The following TTC3 variants were observed in gnomAD, a reference collection of about 807,000 sequenced individuals.
TTC3 encodes E3 ubiquitin-protein ligase TTC3.
A neutral mutation model predicts 249.6 loss-of-function variants in TTC3; 180 were observed. That is an observed-to-expected ratio of 0.72 (90% CI 0.64 to 0.82). TTC3 has a LOEUF of 0.82. TTC3 is among the 40% of genes least tolerant of loss of function. The probability of loss-of-function intolerance (pLI) is 0.00; values close to 1 mark genes in which losing one functional copy is unlikely to be tolerated. For missense variants in TTC3, 2,061 were observed against 2,398.4 expected (o/e 0.86, Z 2.94); for synonymous variants, 717 against 805.0 (o/e 0.89, Z 1.85).
chr21:37,125,621 A>T (rs1046371483), intron 14 of TTC3, among the ~76,000 whole-genome samples: 1 of 151,756 alleles, frequency 6.6e-6, no homozygotes, highest in Non-Finnish European at 1.5e-5. Context: ...TTAATAATTG[A>T]TTATATTTAA....
rs1394601066 is a variant in TTC3 at position 37,135,876 on chromosome 21, TA to T, written c.1578+363del. 2.6e-5 allele frequency among the ~76,000 whole-genome samples: 4 copies of T among 152,370 alleles called. No homozygotes were observed. In the East Asian group the frequency reaches 7.7e-4, roughly 29 times the overall value. On this transcript the variant is annotated intron_variant, in intron 18 of 45. Coordinates refer to ENST00000355666, the Ensembl canonical transcript of TTC3. ...TGTACTTTGCAGACAATGCATTTGT[TA>T]CAAATTGAAGATTTGTGGCAACCCT...
At chr21:37,088,693 AAG>A in intron 4 of TTC3, 104 bp from the exon 5 acceptor site, 3 of 1,054,944 alleles carry the variant, frequency 2.8e-6, no homozygotes, top group Admixed American at 5.6e-5. Flanking sequence ...AGTGAAGAAA[AAG>A]AGAACTTATT....
chr21:37,201,317 A>G (rs983659835), intron 45 of TTC3, 123 bp from the exon 46 acceptor site: 2 of 1,212,314 alleles, frequency 1.6e-6, no homozygotes, highest in Non-Finnish European at 2.4e-6. Context: ...AGTATTGGGC[A>G]GCTCCAGGCC....
chr21:37,082,731 A>G, intron 1 of TTC3: 2 of 985,054 alleles, frequency 2.0e-6, no homozygotes, highest in East Asian at 1.1e-4. Flanking sequence ...TTTTTAATCT[A>G]GGATATACCT....
intron 1 of TTC3, chr21:37,083,608 C>T (rs73201918): frequency 0.07 from 11,961 of 169,936 alleles, 604 homozygotes; most frequent in Non-Finnish European, 0.1. Context: ...AGGTTGACTC[C>T]CAGGGTTTAG....
intron 33 of TTC3, 47 bp downstream of exon 33, chr21:37,166,662 C>A: frequency 6.6e-7 from 1 of 1,518,392 alleles, no homozygotes; most frequent in South Asian, 1.3e-5. Context: ...GTTAAATTTT[C>A]CTTTTCATTT....
At chr21:37,164,313 C>A in intron 32 of TTC3, 98 bp downstream of exon 32, 2 of 1,163,020 alleles carry the variant, frequency 1.7e-6, no homozygotes, top group Non-Finnish European at 2.3e-6. Flanking sequence ...AGAGATTTTG[C>A]CACATTTTAC....
chr21:37,115,174 T>TATAATAATA (rs1246754731), intron 11 of TTC3, among the ~76,000 whole-genome samples: 53,887 of 144,162 alleles, frequency 0.37, 10,846 homozygotes, highest in Middle Eastern at 0.45. Context: ...AAACTTAAAG[T>TATAATAATA]ATAATAATAA....
chr21:37,139,092 T>C (rs2078204444), intron 19 of TTC3, among the ~76,000 whole-genome samples: 1 of 152,074 alleles, frequency 6.6e-6, no homozygotes, highest in Non-Finnish European at 1.5e-5. Flanking sequence ...GTGCATCTTG[T>C]AAAAAAGTGA....
intron 5 of TTC3, among the ~76,000 whole-genome samples, chr21:37,089,872 G>C (rs1362380263): frequency 6.6e-6 from 1 of 151,926 alleles, no homozygotes; most frequent in East Asian, 1.9e-4. Flanking sequence ...GTAATCCCAG[G>C]TAGTTGGGAG....
At position 37,124,594 on chromosome 21, in the gene TTC3, ATAATTCC is replaced by A; in HGVS notation, c.1110-23_1110-17del. The A allele has an allele frequency of 1.2e-6, 2 of 1,603,114 alleles. No individual in the cohort carries two copies. The highest frequency in any genetic ancestry group is 1.7e-6 in the Non-Finnish European group (2 of 1,177,076). ...AAGGATAACTTTCAAAAAATGTATA[ATAATTCC>A]TTTTTTCCCCCACTTAGGGCCTACA... On this transcript the variant is annotated intron_variant, in intron 13 of 45. Coordinates refer to ENST00000355666, the Ensembl canonical transcript of TTC3.
At chr21:37,137,591 A>G (rs1369064878) in intron 18 of TTC3, among the ~76,000 whole-genome samples, 5 of 152,172 alleles carry the variant, frequency 3.3e-5, no homozygotes, top group Admixed American at 1.3e-4. Context: ...AAAAAAAGTC[A>G]TTTCTTGAAA....
At chr21:37,136,932 G>A (rs1011707470) in intron 18 of TTC3, among the ~76,000 whole-genome samples, 1 of 152,146 alleles carries the variant, frequency 6.6e-6, no homozygotes, top group African/African-American at 2.4e-5. Context: ...AAAATCCTCA[G>A]GCCCTTAAGA....
chr21:37,103,347 A>T (rs932171644), intron 10 of TTC3, among the ~76,000 whole-genome samples: 2 of 152,222 alleles, frequency 1.3e-5, no homozygotes, highest in African/African-American at 4.8e-5. Flanking sequence ...CATGTCACAC[A>T]GTCTTCAAGA....
intron 36 of TTC3, 85 bp downstream of exon 36, chr21:37,182,998 A>G (rs1274276291): frequency 1.7e-6 from 2 of 1,145,036 alleles, no homozygotes; most frequent in East Asian, 5.6e-5. Flanking sequence ...GATATTTAAT[A>G]TTAAACTACA....
chr21:37,186,022 A>G, intron 37 of TTC3: 1 of 181,350 alleles, frequency 5.5e-6, no homozygotes, highest in Non-Finnish European at 1.1e-5. Flanking sequence ...AAAATACTGA[A>G]TTTATTGTTG....
chr21:37,124,216 A>G (rs1013302640), intron 13 of TTC3, among the ~76,000 whole-genome samples: 2 of 129,582 alleles, frequency 1.5e-5, no homozygotes, highest in African/African-American at 2.9e-5. Flanking sequence ...ACTGGGTTCA[A>G]GCAGGTCTCC....
intron 37 of TTC3, among the ~76,000 whole-genome samples, chr21:37,186,325 G>C (rs1397266158): frequency 1.3e-5 from 2 of 152,084 alleles, no homozygotes; most frequent in Non-Finnish European, 1.5e-5. Context: ...CCCGGTTTTT[G>C]AATAATTTTG....
chr21:37,150,860 C>T, exon 25 of TTC3: 1 of 1,610,408 alleles, frequency 6.2e-7, no homozygotes, highest in Non-Finnish European at 8.5e-7. Flanking sequence ...CCTCCAAGAC[C>T]TATTCTGAAA....
Sources: gnomAD v4.1 joint callset for allele counts (sites outside exome capture counted in the v4.1 genomes callset) on GRCh38, gnomAD v4.1.1 for gene constraint, MANE v1.5 for transcripts, NCBI Gene and HGNC (gene_info 2026-07-23, HGNC 2026-07-21) for gene names.